DMD: variants seen among roughly 807,000 people sequenced by gnomAD.
DMD encodes the protein dystrophin.
Under a neutral mutation model 330.1 loss-of-function variants are expected in DMD, and 63 were observed. The ratio of observed to expected loss-of-function variants is 0.19; its 90% confidence interval spans 0.16 to 0.24. The LOEUF (loss-of-function observed/expected upper bound fraction) is 0.24, where lower values mean the gene tolerates loss of function less well. Among genes scored for constraint, DMD ranks in the 10% least tolerant of loss-of-function variants. The pLI is 1.00. For synonymous variants in DMD, 1,223 were observed against 959.8 expected, an observed-to-expected ratio of 1.27 and a Z score of -5.07; for missense variants, 3,344 against 2,684.1, an observed-to-expected ratio of 1.25 and a Z score of -5.43.
intron 6 of DMD, 136 bp downstream of exon 6, chrX:32,816,332 G>A (rs1249816458): frequency 9.2e-6 from 6 of 650,623 alleles, no homozygotes; most frequent in African/African-American, 6.6e-5. Context: ...CCAATGGAAC[G>A]TTAGATCAAT....
chrX:31,223,336 T>C (rs2046283496), intron 63 of DMD, among the ~76,000 whole-genome samples: 1 of 112,199 alleles, frequency 8.9e-6, no homozygotes, highest in African/African-American at 3.2e-5. Context: ...CCAGGAAGGC[T>C]AAGTTCTGTG....
intron 12 of DMD, among the ~76,000 whole-genome samples, chrX:32,597,127 G>A (rs2055643523): frequency 9.0e-6 from 1 of 111,539 alleles, no homozygotes; most frequent in Admixed American, 9.6e-5. Context: ...TCTTCCAGAT[G>A]TTTAAATCAT....
intron 1 of DMD, among the ~76,000 whole-genome samples, chrX:33,239,523 C>T (rs2052552373): frequency 9.0e-6 from 1 of 110,936 alleles, no homozygotes; most frequent in Non-Finnish European, 1.9e-5. Flanking sequence ...TAATGATTTG[C>T]TAAATTCTGT....
intron 51 of DMD, among the ~76,000 whole-genome samples, chrX:31,730,090 T>C (rs1463911625): frequency 8.9e-6 from 1 of 111,999 alleles, no homozygotes; most frequent in Non-Finnish European, 1.9e-5. Context: ...GATAGATAAC[T>C]ATTTATACTT....
chrX:32,622,497 A>T (rs1029048160), intron 11 of DMD, among the ~76,000 whole-genome samples: 1 of 111,966 alleles, frequency 8.9e-6, no homozygotes, highest in Non-Finnish European at 1.9e-5. Flanking sequence ...AAAATTTGAG[A>T]TATTAGCTAC....
At chrX:31,843,728 G>A (rs770186732) in intron 48 of DMD, among the ~76,000 whole-genome samples, 127 of 111,721 alleles carry the variant, frequency 1.1e-3, no homozygotes, top group African/African-American at 4.1e-3. Flanking sequence ...GATCCCACTT[G>A]TTAATTTTTG....
intron 2 of DMD, among the ~76,000 whole-genome samples, chrX:32,984,237 T>C (rs1258596087): frequency 8.9e-6 from 1 of 111,969 alleles, no homozygotes; most frequent in Non-Finnish European, 1.9e-5. Context: ...AGGAGAGTTA[T>C]TTAACCTCTG....
At position 31,287,741 on chromosome X, in the gene DMD, G is replaced by A. The variant is rs188222780; in HGVS notation, c.9225-26725C>T. Among the ~76,000 whole-genome samples, 4 of 112,038 alleles carry A rather than the reference G, an allele frequency of 3.6e-5. No homozygotes were observed. In the Admixed American group the frequency reaches 3.8e-4, roughly 11 times the overall value. ...GAATCCTTTGCCATGCTAGTTATAG[G>A]CATTTATTTATTTAGGTATTTATTT... On this transcript the variant is annotated intron_variant, in intron 62 of 78. Transcript: ENST00000357033.
intron 7 of DMD, among the ~76,000 whole-genome samples, chrX:32,801,493 G>A (rs1011696681): frequency 1.8e-5 from 2 of 111,731 alleles, no homozygotes; most frequent in Admixed American, 1.9e-4. Flanking sequence ...GTTTTCTTTT[G>A]CTGTGCAGGA....
rs2096990461 is a variant in DMD at position 32,194,621 on chromosome X, T to A, written c.6438+22295A>T. Among the ~76,000 whole-genome samples, 4 of 111,264 alleles carry A rather than the reference T, an allele frequency of 3.6e-5. No individual in the cohort carries two copies. The Admixed American group carries it at 3.9e-4, about 11-fold the overall frequency. Reference sequence around the variant, plus strand: ...GGAAGGAGGAGGGAATGACTGCATTTCATGTGATACGTAAATGGAAAGAAG... The same window carrying A: ...GGAAGGAGGAGGGAATGACTGCATTACATGTGATACGTAAATGGAAAGAAG... On this transcript the variant is annotated intron_variant, in intron 44 of 78. Coordinates refer to ENST00000357033, the MANE Select transcript of DMD (RefSeq NM_004006.3).
intron 47 of DMD, among the ~76,000 whole-genome samples, chrX:31,876,183 T>A (rs2093964125): frequency 8.9e-6 from 1 of 112,449 alleles, no homozygotes; most frequent in African/African-American, 3.2e-5. Flanking sequence ...CCTTAATCCA[T>A]CCAACAATGC....
chrX:31,156,670 G>T (rs1027730505), intron 74 of DMD, among the ~76,000 whole-genome samples: 4 of 111,798 alleles, frequency 3.6e-5, no homozygotes, highest in African/African-American at 1.3e-4. Flanking sequence ...CCCATACTGT[G>T]TTCAATAAAT....
chrX:32,445,380 C>G (rs1221731624), intron 27 of DMD, among the ~76,000 whole-genome samples: 1 of 110,526 alleles, frequency 9.0e-6, no homozygotes, highest in Non-Finnish European at 1.9e-5. Context: ...GTATTTTTCC[C>G]TCTTCACCCT....
intron 44 of DMD, chrX:32,155,435 A>G: frequency 1.3e-6 from 1 of 754,446 alleles, no homozygotes; most frequent in African/African-American, 2.3e-5. Flanking sequence ...AGCAGCCAGC[A>G]ATGCCTCCGC....
At chrX:32,333,046 A>G (rs972886110) in intron 41 of DMD, among the ~76,000 whole-genome samples, 4 of 111,842 alleles carry the variant, frequency 3.6e-5, no homozygotes, top group Admixed American at 9.5e-5. Context: ...CTGAGAAACA[A>G]TACATAGAAA....
intron 44 of DMD, among the ~76,000 whole-genome samples, chrX:32,072,647 G>A (rs746479495): frequency 9.0e-6 from 1 of 111,340 alleles, no homozygotes; most frequent in East Asian, 2.8e-4. Flanking sequence ...TATACATTAA[G>A]AAAATTTGGT....
chrX:32,069,159 T>C lies in DMD; in HGVS notation c.6439-100645A>G, dbSNP rs561841539. The stretch of plus-strand genomic sequence containing the variant: ...TTCTATTTACTTCCTTTTGGTATGA[T>C]GGCATTGAAAAGAAGAAATGATAAG... On this transcript the variant is annotated intron_variant, in intron 44 of 78. Transcript: ENST00000357033. Among the ~76,000 whole-genome samples, 6 of 111,550 alleles carry C rather than the reference T, an allele frequency of 5.4e-5. No individual in the cohort carries two copies. In the South Asian group the frequency reaches 1.8e-3, roughly 34 times the overall value.
intron 44 of DMD, among the ~76,000 whole-genome samples, chrX:32,145,174 C>A (rs2096772875): frequency 8.9e-6 from 1 of 112,121 alleles, no homozygotes; most frequent in Admixed American, 9.5e-5. Context: ...AAGTTTAAGA[C>A]CCATGACACA....
intron 34 of DMD, among the ~76,000 whole-genome samples, chrX:32,378,997 T>C (rs992421640): frequency 9.5e-6 from 1 of 105,270 alleles, no homozygotes; most frequent in African/African-American, 3.5e-5. Context: ...CTTTTATGAT[T>C]GTTATTTTTA....
Sources: allele counts gnomAD v4.1 joint callset (sites outside exome capture counted in the v4.1 genomes callset), GRCh38; gene constraint gnomAD v4.1.1; transcripts MANE v1.5; gene names NCBI Gene and HGNC (gene_info 2026-07-23, HGNC 2026-07-21).